Variants in CCDC171 observed in about 807,000 individuals in gnomAD.
CCDC171 encodes the protein coiled-coil domain containing 171.
A neutral mutation model predicts 168.2 loss-of-function variants in CCDC171; 177 were observed. The observed-to-expected ratio is 1.05, with a 90% CI of 0.93 to 1.19. The LOEUF (loss-of-function observed/expected upper bound fraction) is 1.19. CCDC171 is among the 50% of genes most tolerant of loss of function. The probability of loss-of-function intolerance (pLI) is 0.00; values close to 1 mark genes in which losing one functional copy is unlikely to be tolerated. For missense variants in CCDC171, 1,991 were observed against 1,539.0 expected, an observed-to-expected ratio of 1.29 and a Z score of -4.91; for synonymous variants, 687 against 540.8, an observed-to-expected ratio of 1.27 and a Z score of -3.75.
At chr9:16,073,617 T>G in the CCDC171 span, among the ~76,000 whole-genome samples, 3 of 152,186 alleles carry the variant, frequency 2.0e-5, no homozygotes, top group Non-Finnish European at 2.9e-5. Context: ...TTATACATAT[T>G]TAAGAATGAG....
chr9:15,625,398 A>G (rs1031418322), intron 7 of CCDC171, among the ~76,000 whole-genome samples: 18 of 152,172 alleles, frequency 1.2e-4, no homozygotes, highest in African/African-American at 4.3e-4. Flanking sequence ...CCCCATGCCT[A>G]TGTCCTGAAT....
intron 7 of CCDC171, among the ~76,000 whole-genome samples, chr9:15,641,901 C>T (rs563353750): frequency 2.6e-5 from 4 of 152,126 alleles, no homozygotes; most frequent in East Asian, 1.9e-4. Context: ...TAGTGGCTCA[C>T]GCCTGTAATC....
At chr9:16,042,944 C>G (rs1833596434) in intron 1 of CCDC171, 1 of 152,110 alleles carries the variant, frequency 6.6e-6, no homozygotes, top group Non-Finnish European at 1.5e-5. Flanking sequence ...GTAGGCCTAT[C>G]AAGGATCATT....
intron 18 of CCDC171, among the ~76,000 whole-genome samples, chr9:15,756,034 A>T (rs1042431879): frequency 6.6e-6 from 1 of 152,156 alleles, no homozygotes; most frequent in African/African-American, 2.4e-5. Context: ...GGAAGGCAAA[A>T]GCTTTCCCAT....
chr9:15,714,744 A>G (rs899289900), intron 11 of CCDC171, among the ~76,000 whole-genome samples: 1 of 152,192 alleles, frequency 6.6e-6, no homozygotes, highest in Non-Finnish European at 1.5e-5. Flanking sequence ...AATTAGCTCA[A>G]GTCTGAGAAG....
At chr9:16,057,380 C>A (rs3008709) in intron 1 of CCDC171, among the ~76,000 whole-genome samples, 73,324 of 152,028 alleles carry the variant, frequency 0.48, 17,908 homozygotes, top group East Asian at 0.56. Flanking sequence ...GAACTTCCCC[C>A]AGGAACTGGA....
chr9:16,084,599 C>T, the CCDC171 span, among the ~76,000 whole-genome samples: 962 of 152,266 alleles, frequency 6.3e-3, 11 homozygotes, highest in African/African-American at 0.022. Context: ...CCAGACTACC[C>T]GCTTTCCAAT....
rs1034010743 is a variant in CCDC171, at chr9:16,023,246, G to A, written n.998+338G>A. ...GTTCTAACAGGTCCCCACATAAAAC[G>A]TAATCTCTGTGACTCAAATAGATTG... On this transcript the variant is annotated intron_variant and non_coding_transcript_variant, in intron 6 of 9. Transcript: ENST00000486641. Among the ~76,000 whole-genome samples, 11 of 152,176 alleles carry A rather than the reference G, an allele frequency of 7.2e-5. No individual in the cohort carries two copies. In the South Asian group the frequency reaches 1.9e-3, roughly 26 times the overall value.
intron 3 of CCDC171, among the ~76,000 whole-genome samples, chr9:16,003,472 A>C (rs1832613721): frequency 6.6e-6 from 1 of 152,218 alleles, no homozygotes; most frequent in Non-Finnish European, 1.5e-5. Flanking sequence ...GGAAAGTGTC[A>C]AGAAGAGCCC....
intron 3 of CCDC171, among the ~76,000 whole-genome samples, chr9:16,017,169 AC>A (rs1833047359): frequency 6.6e-6 from 1 of 152,186 alleles, no homozygotes; most frequent in Non-Finnish European, 1.5e-5. Context: ...TAAGGAGGAA[AC>A]CAGAAAAGTG....
Position 15,874,558 on chromosome 9 carries a change from G to T in CCDC171, c.3495G>T (p.Trp1165Cys). Residue 1165 changes from tryptophan (W) to cysteine (C), a missense_variant, in exon 24 of 26, where the codon TGG becomes TGT. By Grantham distance (215) the Trp-to-Cys change is radical. Transcript: ENST00000380701. ...TCAGAGATCAGATCTCGCTGTCATG[G>T]TCTGCGGCAAGTAGGAATGACTTCA... ...HKVRDQISLS[W>C]SAASRNDFTL... is the part of the protein sequence containing the mutation. 1 of 1,606,874 alleles carries T rather than the reference G, an allele frequency of 6.2e-7. No homozygotes were observed. Among genetic ancestry groups the T allele is most frequent in the Middle Eastern group, 1.7e-4 (1 of 5,996 alleles).
Position 15,690,639 on chromosome 9 carries a change from C to T in CCDC171, c.1216-4596C>T, listed in dbSNP as rs370194970. On this transcript the variant is annotated intron_variant, in intron 10 of 25. Transcript: ENST00000380701. Reference sequence around the variant, plus strand: ...GACATAAAAATCAGAAGTCCTAAAGCATACTATTGATTTGCACACTTGATC... The same window carrying T: ...GACATAAAAATCAGAAGTCCTAAAGTATACTATTGATTTGCACACTTGATC... 1.3e-4 allele frequency among the ~76,000 whole-genome samples: 20 copies of T among 152,120 alleles called. No homozygotes were observed. In the East Asian group the frequency reaches 3.5e-3, roughly 26 times the overall value.
Position 15,912,496 on chromosome 9 carries a change from A to C in CCDC171, c.3601-7774A>C, listed in dbSNP as rs1358794178. 3.9e-5 allele frequency among the ~76,000 whole-genome samples: 6 copies of C among 152,302 alleles called. No homozygotes were observed. In the East Asian group the frequency reaches 9.6e-4, roughly 24 times the overall value. ...ATATACAGTCATGTCATCTGCAAACAGAGGTAATTGACTTCTTCTCTTCCT... is the reference window on the plus strand; with the variant it reads ...ATATACAGTCATGTCATCTGCAAACCGAGGTAATTGACTTCTTCTCTTCCT... On this transcript the variant is annotated intron_variant, in intron 24 of 25. Transcript: ENST00000380701.
intron 9 of CCDC171, among the ~76,000 whole-genome samples, chr9:15,675,830 G>GA (rs2049510439): frequency 6.6e-6 from 1 of 152,142 alleles, no homozygotes; most frequent in South Asian, 2.1e-4. Context: ...CAATCTTGGT[G>GA]AATCTGACAA....
intron 3 of CCDC171, among the ~76,000 whole-genome samples, chr9:15,993,732 TCAAA>T (rs984339184): frequency 2.9e-4 from 44 of 151,820 alleles, no homozygotes; most frequent in African/African-American, 9.7e-4. Context: ...TACAAAGAAC[TCAAA>T]CAAATTTACA....
intron 3 of CCDC171, among the ~76,000 whole-genome samples, chr9:16,005,573 A>T (rs1420115613): frequency 6.6e-6 from 1 of 152,256 alleles, no homozygotes; most frequent in East Asian, 1.9e-4. Flanking sequence ...GATTGAAGAT[A>T]TTCAAAAAGT....
At chr9:16,041,066 C>T (rs1833563816), upstream of CCDC171, among the ~76,000 whole-genome samples, 2 of 152,098 alleles carry the variant, frequency 1.3e-5, no homozygotes, top group Admixed American at 1.3e-4. Context: ...GAATTGGGTG[C>T]CCAACATTAA....
chr9:15,844,113 A>G (rs2060799620), intron 21 of CCDC171, among the ~76,000 whole-genome samples: 1 of 152,104 alleles, frequency 6.6e-6, no homozygotes. Flanking sequence ...TGGTTGAGAA[A>G]TTAGTGGCTA....
intron 11 of CCDC171, among the ~76,000 whole-genome samples, chr9:15,720,613 AT>A (rs1292594465): frequency 6.6e-6 from 1 of 152,240 alleles, no homozygotes; most frequent in African/African-American, 2.4e-5. Context: ...AATATTTTCA[AT>A]GTGAATATTT....
Sources: gnomAD v4.1 joint callset for allele counts (sites outside exome capture counted in the v4.1 genomes callset) on GRCh38, gnomAD v4.1.1 for gene constraint, MANE v1.5 for transcripts, NCBI Gene and HGNC (gene_info 2026-07-23, HGNC 2026-07-21) for gene names.